The following WDFY2 variants were observed in gnomAD, a reference collection of about 807,000 sequenced individuals.
WDFY2 encodes WD repeat and FYVE domain containing 2.
Under a neutral mutation model 56.4 loss-of-function variants are expected in WDFY2, and 36 were observed. The ratio of observed to expected loss-of-function variants is 0.64; its 90% CI spans 0.49 to 0.84. The LOEUF is 0.84. WDFY2 is among the 40% of genes least tolerant of loss of function. WDFY2 has a pLI of 0.00. For missense variants in WDFY2, 444 were observed against 512.2 expected, an observed-to-expected ratio of 0.87 and a Z score of 1.29; for synonymous variants, 176 against 183.7, an observed-to-expected ratio of 0.96 and a Z score of 0.34.
chr13:51,675,092 C>G, intron 2 of WDFY2, 78 bp from the exon 3 acceptor site: 1 of 1,344,834 alleles, frequency 7.4e-7, no homozygotes, highest in East Asian at 2.3e-5. Flanking sequence ...CAGCCCCACA[C>G]TTTTAGCTAG....
intron 1 of WDFY2, among the ~76,000 whole-genome samples, chr13:51,660,321 C>T (rs1458042524): frequency 2.6e-5 from 4 of 151,134 alleles, no homozygotes; most frequent in Non-Finnish European, 2.9e-5. Context: ...CTCAGCCTCC[C>T]GAGTAGATGG....
rs572169757 is a variant in WDFY2 at position 51,591,560 on chromosome 13, C to T, written c.137+6736C>T. On this transcript the variant is annotated intron_variant, in intron 1 of 11. Coordinates refer to ENST00000298125, the MANE Select transcript of WDFY2 (RefSeq NM_052950.4). Reference sequence around the variant, plus strand: ...TACGCAAGACTGACATACTCTCTCACACATAGACACACATATGACAGAAAC... The same window carrying T: ...TACGCAAGACTGACATACTCTCTCATACATAGACACACATATGACAGAAAC... 2.0e-5 allele frequency: 3 copies of T among 152,330 alleles called. No individual in the cohort carries two copies. The South Asian group carries it at 6.2e-4, about 32-fold the overall frequency. The allele number at this position is 152,330 out of a possible 1,614,324, so 9.4% of individuals were successfully genotyped here. A position where few individuals can be genotyped will look rare whatever the true frequency, so the allele number is the denominator to read the frequency against.
chr13:51,604,649 T>A (rs1056229769), intron 1 of WDFY2, among the ~76,000 whole-genome samples: 5 of 152,200 alleles, frequency 3.3e-5, no homozygotes, highest in African/African-American at 1.2e-4. Context: ...AAATAAAAAA[T>A]CCTTCAGTGG....
chr13:51,717,663 A>C (rs906028951), intron 4 of WDFY2, among the ~76,000 whole-genome samples: 2 of 152,068 alleles, frequency 1.3e-5, no homozygotes, highest in African/African-American at 4.8e-5. Flanking sequence ...ATAGAACTTG[A>C]ATTGAACATT....
intron 6 of WDFY2, among the ~76,000 whole-genome samples, chr13:51,733,337 A>G (rs1205682643): frequency 2.0e-5 from 3 of 152,234 alleles, no homozygotes; most frequent in Non-Finnish European, 4.4e-5. Context: ...GTGCCCAGCC[A>G]GAAGTGGTGT....
intron 3 of WDFY2, among the ~76,000 whole-genome samples, chr13:51,694,096 T>C (rs1276622043): frequency 6.6e-6 from 1 of 152,170 alleles, no homozygotes; most frequent in African/African-American, 2.4e-5. Flanking sequence ...TGAGATGGGT[T>C]TCCTGAATAC....
intron 1 of WDFY2, among the ~76,000 whole-genome samples, chr13:51,609,077 TC>T (rs1383873502): frequency 1.3e-5 from 2 of 152,272 alleles, no homozygotes; most frequent in Non-Finnish European, 2.9e-5. Flanking sequence ...AAGTGTATCT[TC>T]CTATTCAACT....
At position 51,604,088 on chromosome 13, in the gene WDFY2, T is replaced by C. The variant is rs559952443; in HGVS notation, c.137+19264T>C. On this transcript the variant is annotated intron_variant, in intron 1 of 11. Transcript: ENST00000298125. Reference sequence around the variant, plus strand: ...AGAAATCAATTTTTGTGTGAAATATTTACATGTTTAAAGTTAATGCAAAAA... The same window carrying C: ...AGAAATCAATTTTTGTGTGAAATATCTACATGTTTAAAGTTAATGCAAAAA... Among the ~76,000 whole-genome samples, 202 of 152,318 alleles carry C rather than the reference T, an allele frequency of 1.3e-3. 1 individual carries two copies. The highest frequency in any genetic ancestry group is 4.7e-3 in the African/African-American group (196 of 41,558).
chr13:51,667,685 C>G (rs1955732341), intron 2 of WDFY2, among the ~76,000 whole-genome samples: 1 of 151,658 alleles, frequency 6.6e-6, no homozygotes, highest in African/African-American at 2.4e-5. Flanking sequence ...TAATTTATAC[C>G]TTACTTCAAA....
chr13:51,707,939 CTTTTTT>C lies in WDFY2; in HGVS notation c.334+4316_334+4321del, dbSNP rs56054205. On this transcript the variant is annotated intron_variant, in intron 4 of 11. Coordinates refer to ENST00000298125, the MANE Select transcript of WDFY2 (RefSeq NM_052950.4). Reference sequence around the variant, plus strand: ...ATATATACTATTAACCCTAAAACAACTTTTTTTTTTTTTTTTTTTTTTTTTTTTTTT... The same window carrying C: ...ATATATACTATTAACCCTAAAACAACTTTTTTTTTTTTTTTTTTTTTTTTT... Among the ~76,000 whole-genome samples the C allele has an allele frequency of 4.6e-3, 264 of 57,512 alleles. 1 individual carries two copies. The highest frequency in any genetic ancestry group is 0.017 in the African/African-American group (236 of 13,934). The allele number at this position is 57,512 out of a possible 152,430, so 37.7% of individuals were successfully genotyped here.
At chr13:51,617,775 C>T (rs745512006) in intron 1 of WDFY2, among the ~76,000 whole-genome samples, 6 of 152,192 alleles carry the variant, frequency 3.9e-5, no homozygotes, top group Non-Finnish European at 8.8e-5. Context: ...AGTCATATGT[C>T]CACAGCCTGC....
intron 1 of WDFY2, among the ~76,000 whole-genome samples, chr13:51,648,685 T>C (rs1955308958): frequency 1.3e-5 from 2 of 152,158 alleles, no homozygotes; most frequent in South Asian, 4.1e-4. Flanking sequence ...CACTTATACC[T>C]ATGTAACAAA....
intron 1 of WDFY2, among the ~76,000 whole-genome samples, chr13:51,599,044 C>T (rs1050866832): frequency 2.6e-5 from 4 of 151,652 alleles, no homozygotes; most frequent in Non-Finnish European, 4.4e-5. Context: ...GAGTAGCTAG[C>T]ACTGCAGGCA....
intron 1 of WDFY2, among the ~76,000 whole-genome samples, chr13:51,607,630 T>G (rs1954407555): frequency 6.6e-6 from 1 of 152,152 alleles, no homozygotes. Context: ...CTGTTGGGTT[T>G]CTAATTAAAA....
intron 3 of WDFY2, among the ~76,000 whole-genome samples, chr13:51,686,970 A>C (rs1956072129): frequency 1.3e-5 from 2 of 151,534 alleles, no homozygotes; most frequent in South Asian, 4.1e-4. Flanking sequence ...TTTCAAGCCT[A>C]CTATTGATGA....
At chr13:51,737,030 T>C (rs1952852121) in intron 6 of WDFY2, among the ~76,000 whole-genome samples, 1 of 152,174 alleles carries the variant, frequency 6.6e-6, no homozygotes, top group South Asian at 2.1e-4. Context: ...AAGCTACCCA[T>C]TTCACGTGTT....
At chr13:51,746,543 A>T (rs1018700217) in intron 7 of WDFY2, among the ~76,000 whole-genome samples, 1 of 152,346 alleles carries the variant, frequency 6.6e-6, no homozygotes, top group South Asian at 2.1e-4. Context: ...ACTCCAGGTT[A>T]TAAAGTTGAT....
At chr13:51,649,947 C>A (rs1955342023) in intron 1 of WDFY2, among the ~76,000 whole-genome samples, 1 of 151,966 alleles carries the variant, frequency 6.6e-6, no homozygotes, top group Non-Finnish European at 1.5e-5. Flanking sequence ...TTTTCCAATT[C>A]TGTGAAGAAA....
chr13:51,587,055 T>A (rs1476045435), intron 1 of WDFY2: 1 of 152,218 alleles, frequency 6.6e-6, no homozygotes, highest in Non-Finnish European at 1.5e-5. Context: ...ACAAAGCCAT[T>A]ACCATTCACT....
Sources: gnomAD v4.1 joint callset for allele counts (sites outside exome capture counted in the v4.1 genomes callset) on GRCh38, gnomAD v4.1.1 for gene constraint, MANE v1.5 for transcripts, NCBI Gene and HGNC (gene_info 2026-07-23, HGNC 2026-07-21) for gene names.